The following EPHA6 variants were observed in gnomAD, a reference collection of about 807,000 sequenced individuals.
The protein encoded by EPHA6 is ephrin type-A receptor 6.
EPHA6 carries 50 observed loss-of-function variants against 112.0 expected under a neutral mutation model. That is an observed-to-expected ratio of 0.45 (90% confidence interval 0.36 to 0.56). The LOEUF (loss-of-function observed/expected upper bound fraction) is 0.56, where lower values mean the gene tolerates loss of function less well. Among genes scored for constraint, EPHA6 ranks in the 20% least tolerant of loss-of-function variants. EPHA6 has a pLI of 0.00. For missense variants in EPHA6, 1,280 were observed against 1,417.4 expected (o/e 0.90, Z 1.56); for synonymous variants, 529 against 490.7 (o/e 1.08, Z -1.03).
chr3:96,922,872 C>T (rs185822335), intron 2 of EPHA6, among the ~76,000 whole-genome samples: 88 of 152,248 alleles, frequency 5.8e-4, no homozygotes, highest in African/African-American at 2.0e-3. Context: ...TCCCATCATT[C>T]GTGTCTCACT....
rs370292864 is a variant in EPHA6, at chr3:97,517,770, A to T, written c.2201-14588A>T. Among the ~76,000 whole-genome samples, 58 of 152,152 alleles carry T rather than the reference A, an allele frequency of 3.8e-4. 1 individual carries two copies. Among genetic ancestry groups the T allele is most frequent in the African/African-American group, 1.1e-3 (47 of 41,540 alleles). ...CCACCGGTGCCCCCACCCCACACTG[A>T]ATCTGGTAACCACCATTCTCCTCCC... On this transcript the variant is annotated intron_variant, in intron 10 of 17. Transcript: ENST00000389672.
chr3:97,295,914 G>A (rs2080859996), intron 5 of EPHA6, among the ~76,000 whole-genome samples: 1 of 152,164 alleles, frequency 6.6e-6, no homozygotes, highest in African/African-American at 2.4e-5. Flanking sequence ...AGTGGTGGCA[G>A]CAGTGGGCCA....
intron 1 of EPHA6, among the ~76,000 whole-genome samples, chr3:96,853,239 A>G (rs1357579545): frequency 6.6e-6 from 1 of 152,100 alleles, no homozygotes; most frequent in African/African-American, 2.4e-5. Context: ...TAGATCTAGT[A>G]TCTAATAGAA....
In EPHA6 at chr3:97,500,323, C is replaced by T. The variant is rs142535452; in HGVS notation, c.2200+16264C>T. Among the ~76,000 whole-genome samples the T allele has an allele frequency of 6.7e-3, 1,014 of 151,784 alleles. 12 individuals are homozygous for T. Among genetic ancestry groups the T allele is most frequent in the African/African-American group, 0.022 (914 of 41,338 alleles). ...AAAGAGGTTTAATTGGGTTAAAATT[C>T]GACAGGTTGTACAGGAAGCACGATG... On this transcript the variant is annotated intron_variant, in intron 10 of 17. Coordinates refer to ENST00000389672, the MANE Select transcript of EPHA6 (RefSeq NM_001080448.3).
intron 14 of EPHA6, among the ~76,000 whole-genome samples, chr3:97,658,815 A>T (rs1430727477): frequency 6.6e-6 from 1 of 151,952 alleles, no homozygotes; most frequent in Non-Finnish European, 1.5e-5. Context: ...ACACCTTTGT[A>T]AAAGCATCAA....
intron 5 of EPHA6, among the ~76,000 whole-genome samples, chr3:97,324,589 A>C (rs957017009): frequency 6.8e-6 from 1 of 146,304 alleles, no homozygotes; most frequent in East Asian, 2.0e-4. Flanking sequence ...CTCAGGCTGG[A>C]GTGCAATAGT....
intron 4 of EPHA6, among the ~76,000 whole-genome samples, chr3:97,236,983 C>T (rs1424758251): frequency 6.6e-6 from 1 of 151,796 alleles, no homozygotes; most frequent in African/African-American, 2.4e-5. Flanking sequence ...CATCTCATTA[C>T]TTTTTTTCTC....
intron 11 of EPHA6, among the ~76,000 whole-genome samples, chr3:97,545,541 G>C (rs2092932115): frequency 6.6e-6 from 1 of 152,174 alleles, no homozygotes; most frequent in Non-Finnish European, 1.5e-5. Flanking sequence ...TGTATACTCT[G>C]TTGATTTGGG....
At chr3:97,621,012 C>G (rs1357632846) in intron 13 of EPHA6, among the ~76,000 whole-genome samples, 3 of 152,028 alleles carry the variant, frequency 2.0e-5, no homozygotes, top group East Asian at 3.9e-4. Context: ...TGGAATCAAC[C>G]CAAATGCCCA....
intron 3 of EPHA6, among the ~76,000 whole-genome samples, chr3:97,127,552 C>T (rs1055963173): frequency 2.0e-5 from 3 of 152,024 alleles, no homozygotes; most frequent in Non-Finnish European, 4.4e-5. Context: ...GAAACCCCGT[C>T]TCTACTAAAA....
chr3:97,082,102 ATG>A (rs1485009847), intron 3 of EPHA6, among the ~76,000 whole-genome samples: 1 of 151,820 alleles, frequency 6.6e-6, no homozygotes, highest in Non-Finnish European at 1.5e-5. Context: ...GTTTTGAAAT[ATG>A]TATATATTGT....
intron 1 of EPHA6, among the ~76,000 whole-genome samples, chr3:96,833,110 A>G (rs1333928080): frequency 1.1e-4 from 17 of 150,958 alleles, no homozygotes; most frequent in Non-Finnish European, 2.5e-4. Context: ...GTGCCTCAGA[A>G]TGTGACCTTC....
chr3:97,077,717 A>G (rs973921663), intron 3 of EPHA6, among the ~76,000 whole-genome samples: 6 of 152,194 alleles, frequency 3.9e-5, no homozygotes, highest in South Asian at 2.1e-4. Context: ...TGCAAAGGAC[A>G]TGAACTCATC....
At chr3:97,602,335 G>A (rs1560180330) in intron 12 of EPHA6, among the ~76,000 whole-genome samples, 1 of 151,948 alleles carries the variant, frequency 6.6e-6, no homozygotes, top group Non-Finnish European at 1.5e-5. Flanking sequence ...CAGCTTTGTA[G>A]GCCTTTAAAA....
At chr3:97,698,083 A>T (rs557148418) in intron 14 of EPHA6, among the ~76,000 whole-genome samples, 1 of 152,010 alleles carries the variant, frequency 6.6e-6, no homozygotes, top group East Asian at 1.9e-4. Context: ...ACTCACCACA[A>T]CCTCCGCCTC....
At chr3:97,610,990 C>T (rs1467876896) in intron 13 of EPHA6, 136 bp downstream of exon 13, 8 of 696,074 alleles carry the variant, frequency 1.1e-5, no homozygotes, top group South Asian at 1.9e-5. Context: ...CTCTAGGGTG[C>T]ATTTCCCTGA....
chr3:96,948,364 A>G (rs554152091), intron 2 of EPHA6, among the ~76,000 whole-genome samples: 2 of 152,172 alleles, frequency 1.3e-5, no homozygotes, highest in African/African-American at 2.4e-5. Context: ...TACAGTTCAT[A>G]TGTAACCTTG....
At chr3:96,848,771 GA>G (rs1212120473) in intron 1 of EPHA6, among the ~76,000 whole-genome samples, 1 of 152,078 alleles carries the variant, frequency 6.6e-6, no homozygotes, top group Non-Finnish European at 1.5e-5. Context: ...TAAAAAATAA[GA>G]TGTTTTTCAT....
intron 3 of EPHA6, among the ~76,000 whole-genome samples, chr3:97,175,346 G>C (rs2076808228): frequency 6.6e-6 from 1 of 151,830 alleles, no homozygotes; most frequent in South Asian, 2.1e-4. Context: ...CTCCAGATTT[G>C]TTCTTTATGC....
Sources: gnomAD v4.1 joint callset for allele counts (sites outside exome capture counted in the v4.1 genomes callset) on GRCh38, gnomAD v4.1.1 for gene constraint, MANE v1.5 for transcripts, NCBI Gene and HGNC (gene_info 2026-07-23, HGNC 2026-07-21) for gene names.